Variants in EPHB1 observed in about 807,000 individuals in gnomAD.
EPHB1 encodes ephrin type-B receptor 1.
A neutral mutation model predicts 94.4 loss-of-function variants in EPHB1; 30 were observed. The observed-to-expected ratio is 0.32, with a 90% CI of 0.24 to 0.43. The LOEUF is 0.43. EPHB1 is among the 20% of genes least tolerant of loss of function. EPHB1 has a pLI of 1.00. For missense variants in EPHB1, 1,055 were observed against 1,308.3 expected (o/e 0.81, Z 2.99); for synonymous variants, 522 against 489.1 (o/e 1.07, Z -0.89).
intron 9 of EPHB1, among the ~76,000 whole-genome samples, chr3:135,178,219 C>CGGGGGGGGGG (rs775780350): frequency 8.3e-5 from 8 of 96,270 alleles, no homozygotes; most frequent in African/African-American, 3.8e-4. Context: ...TTTGGGAGGC[C>CGGGGGGGGGG]GGGGAGGGGG....
rs545684971 is a variant in EPHB1 at position 135,249,570 on chromosome 3, C to T, written c.2846+79C>T. The T allele has an allele frequency of 1.4e-4, 205 of 1,509,884 alleles. 1 individual carries two copies. Among genetic ancestry groups the T allele is most frequent in the Non-Finnish European group, 1.8e-4 (199 of 1,112,210 alleles). 93.5% of individuals were successfully genotyped at this position (1,509,884 alleles called of 1,614,324 possible). A position where few individuals can be genotyped will look rare whatever the true frequency, so the allele number is the denominator to read the frequency against. On this transcript the variant is annotated intron_variant, in intron 15 of 15. Coordinates refer to ENST00000398015, the MANE Select transcript of EPHB1 (RefSeq NM_004441.5). The stretch of plus-strand genomic sequence containing the variant: ...CCCTGCTATTGCAGATGGTGTGAGT[C>T]CTATTTCTGGCCTCATCCCTGGAGC...
chr3:134,958,776 C>A (rs911212521), intron 3 of EPHB1, among the ~76,000 whole-genome samples: 2 of 152,092 alleles, frequency 1.3e-5, no homozygotes, highest in African/African-American at 4.8e-5. Context: ...ACTGTGACAC[C>A]GGCATGAGCA....
At chr3:135,103,456 GT>G (rs1430725348) in intron 3 of EPHB1, among the ~76,000 whole-genome samples, 1 of 152,112 alleles carries the variant, frequency 6.6e-6, no homozygotes, top group Non-Finnish European at 1.5e-5. Context: ...CCTTGCTTTT[GT>G]TTTTTAAAGG....
chr3:134,970,393 T>C (rs190088474), intron 3 of EPHB1, among the ~76,000 whole-genome samples: 170 of 152,322 alleles, frequency 1.1e-3, no homozygotes, highest in Non-Finnish European at 1.6e-3. Context: ...AGCCTTTACT[T>C]GAATATTATG....
intron 9 of EPHB1, among the ~76,000 whole-genome samples, chr3:135,167,847 C>G (rs1030378745): frequency 6.6e-6 from 1 of 152,192 alleles, no homozygotes; most frequent in South Asian, 2.1e-4. Context: ...CTCATCTCAC[C>G]TCAACCCCCT....
chr3:134,882,476 T>TA (rs1176541445), intron 1 of EPHB1, among the ~76,000 whole-genome samples: 1 of 152,110 alleles, frequency 6.6e-6, no homozygotes, highest in Non-Finnish European at 1.5e-5. Context: ...TCATTGTATA[T>TA]AAAAAAGAAA....
At chr3:135,161,685 C>G (rs1032507240) in intron 6 of EPHB1, among the ~76,000 whole-genome samples, 4 of 152,150 alleles carry the variant, frequency 2.6e-5, no homozygotes, top group Non-Finnish European at 4.4e-5. Context: ...TTTTGCAAAG[C>G]TGGATGTGCT....
chr3:134,832,940 G>A lies in EPHB1; in HGVS notation c.58+37251G>A, dbSNP rs150014041. On this transcript the variant is annotated intron_variant, in intron 1 of 15. Transcript: ENST00000398015. The stretch of plus-strand genomic sequence containing the variant: ...TTTATGTGATTCTCACTTTTAGGAG[G>A]TACTGGTATTGGTTAGGTCTTAGCA... 9.9e-3 allele frequency among the ~76,000 whole-genome samples: 1,511 copies of A among 152,346 alleles called. 6 individuals are homozygous for A. Among genetic ancestry groups the A allele is most frequent in the Non-Finnish European group, 0.015 (1,014 of 68,036 alleles).
intron 3 of EPHB1, among the ~76,000 whole-genome samples, chr3:135,088,229 C>A (rs939741756): frequency 3.3e-5 from 5 of 152,036 alleles, no homozygotes; most frequent in African/African-American, 1.2e-4. Context: ...AGATAACTTA[C>A]CATAGTAAAT....
At chr3:134,803,323 G>A (rs1295270021) in intron 1 of EPHB1, among the ~76,000 whole-genome samples, 1 of 152,212 alleles carries the variant, frequency 6.6e-6, no homozygotes, top group Non-Finnish European at 1.5e-5. Flanking sequence ...ACAGAGAAAT[G>A]GGCAGAGGCA....
intron 1 of EPHB1, among the ~76,000 whole-genome samples, chr3:134,800,388 T>A (rs9850491): frequency 1.3e-5 from 2 of 152,028 alleles, no homozygotes; most frequent in Admixed American, 6.5e-5. Flanking sequence ...AAGGCTTAGA[T>A]GTGTAGTGTT....
At chr3:134,900,436 T>G (rs2038177128) in intron 1 of EPHB1, among the ~76,000 whole-genome samples, 1 of 151,852 alleles carries the variant, frequency 6.6e-6, no homozygotes, top group Non-Finnish European at 1.5e-5. Context: ...ATAAGACTGG[T>G]GGTGTGTGGG....
chr3:134,844,697 C>G (rs1401580512), intron 1 of EPHB1, among the ~76,000 whole-genome samples: 1 of 152,182 alleles, frequency 6.6e-6, no homozygotes, highest in Admixed American at 6.5e-5. Flanking sequence ...GCCACAGGTA[C>G]CCACTATTCT....
intron 12 of EPHB1, among the ~76,000 whole-genome samples, chr3:135,207,960 C>T (rs143312887): frequency 6.6e-6 from 1 of 152,312 alleles, no homozygotes; most frequent in East Asian, 1.9e-4. Flanking sequence ...CTGCAGTCAC[C>T]TCCCAGAGGC....
At chr3:134,954,754 G>A (rs1282475419) in intron 3 of EPHB1, among the ~76,000 whole-genome samples, 1 of 152,218 alleles carries the variant, frequency 6.6e-6, no homozygotes, top group Non-Finnish European at 1.5e-5. Context: ...AAACAGAACA[G>A]ACTTTCATTA....
intron 15 of EPHB1, among the ~76,000 whole-genome samples, chr3:135,255,480 T>C (rs1226707767): frequency 6.9e-6 from 1 of 145,396 alleles, no homozygotes; most frequent in South Asian, 2.4e-4. Flanking sequence ...ATGTACCCAG[T>C]AGTCATTCAG....
In EPHB1 at chr3:135,162,120, C is replaced by T. The variant is rs1290751781; in HGVS notation, c.1525C>T (p.Arg509Cys). ...GMVYVVQVRA[R>C]TVAGYGKFSG... ...GGTATATGTGGTACAGGTGCGTGCC[C>T]GCACTGTTGCTGGCTACGGCAAGTT... is the stretch of plus-strand genomic sequence containing the variant. The change falls in exon 7 of 16, where the codon CGC (arginine) becomes TGC (cysteine). Residue 509 changes from arginine (R) to cysteine (C), a missense_variant. Arg to Cys is a radical substitution (Grantham distance 180). Coordinates refer to ENST00000398015, the MANE Select transcript of EPHB1 (RefSeq NM_004441.5). 4 of 1,612,538 alleles carry T rather than the reference C, an allele frequency of 2.5e-6. No individual in the cohort carries two copies. The highest frequency in any genetic ancestry group is 1.7e-5 in the Admixed American group (1 of 59,874).
intron 3 of EPHB1, among the ~76,000 whole-genome samples, chr3:135,094,190 C>T (rs115049817): frequency 0.027 from 4,060 of 152,300 alleles, 84 homozygotes; most frequent in South Asian, 0.047. Context: ...CAGCACACAG[C>T]GACATCAGCC....
intron 12 of EPHB1, among the ~76,000 whole-genome samples, chr3:135,235,390 G>T (rs1943628050): frequency 6.6e-6 from 1 of 152,136 alleles, no homozygotes; most frequent in Non-Finnish European, 1.5e-5. Context: ...CCCTACCCCA[G>T]AACTAGTAAA....
Sources: allele counts gnomAD v4.1 joint callset (sites outside exome capture counted in the v4.1 genomes callset), GRCh38; gene constraint gnomAD v4.1.1; transcripts MANE v1.5; gene names NCBI Gene and HGNC (gene_info 2026-07-23, HGNC 2026-07-21).